The following ZNF385B variants were observed in gnomAD, a reference collection of about 807,000 sequenced individuals.
ZNF385B encodes the protein zinc finger protein 385B.
In ZNF385B, 23 loss-of-function variants were observed where a neutral mutation model predicts 39.2. That is an observed-to-expected ratio of 0.59 (90% CI 0.42 to 0.83). The LOEUF (loss-of-function observed/expected upper bound fraction) is 0.83, where lower values mean the gene tolerates loss of function less well. Among genes scored for constraint, ZNF385B ranks in the 40% least tolerant of loss-of-function variants. The probability of loss-of-function intolerance (pLI) is 0.00; values close to 1 mark genes in which losing one functional copy is unlikely to be tolerated. For synonymous variants in ZNF385B, 205 were observed against 222.6 expected, an observed-to-expected ratio of 0.92 and a Z score of 0.70; for missense variants, 552 against 598.9, an observed-to-expected ratio of 0.92 and a Z score of 0.82.
Position 179,442,240 on chromosome 2 carries a change from A to G in ZNF385B, c.*1010T>C, listed in dbSNP as rs1255875528. The stretch of plus-strand genomic sequence containing the variant: ...AATTATAAATTTTTTTATCTTCTGT[A>G]CATTATTGCATTAGGGAGCCACAAA... On this transcript the variant is annotated 3_prime_UTR_variant, in exon 10 of 10. Coordinates refer to ENST00000410066, the MANE Select transcript of ZNF385B (RefSeq NM_152520.6). 1 of 152,668 alleles carries G rather than the reference A, an allele frequency of 6.6e-6. No individual in the cohort carries two copies. The highest frequency in any genetic ancestry group is 1.5e-5 in the Non-Finnish European group (1 of 68,044). 9.5% of individuals were successfully genotyped at this position (152,668 alleles called of 1,614,324 possible).
At chr2:179,718,378 T>C (rs1290218917) in intron 3 of ZNF385B, among the ~76,000 whole-genome samples, 1 of 148,064 alleles carries the variant, frequency 6.8e-6, no homozygotes, top group East Asian at 1.9e-4. Flanking sequence ...ATCTTATATA[T>C]TATATATTAT....
chr2:179,581,120 C>A (rs1686460720), intron 3 of ZNF385B, among the ~76,000 whole-genome samples: 1 of 152,164 alleles, frequency 6.6e-6, no homozygotes, highest in Admixed American at 6.5e-5. Flanking sequence ...TATGTAAATA[C>A]AAATTATGGC....
chr2:179,479,614 C>T lies in ZNF385B; in HGVS notation c.715+3658G>A, dbSNP rs551384037. Among the ~76,000 whole-genome samples the T allele has an allele frequency of 7.9e-3, 1,208 of 152,078 alleles. 5 individuals carry two copies. Among genetic ancestry groups the T allele is most frequent in the Admixed American group, 0.011 (162 of 15,270 alleles). On this transcript the variant is annotated intron_variant, in intron 6 of 9. Transcript: ENST00000410066. ...CAGCATTTTAGGAGGCCGTGGCAGG[C>T]GGATCACTTGAGGTCAGGAGTTGAA...
In ZNF385B at chr2:179,814,602, G is replaced by A. The variant is rs189847884; in HGVS notation, c.-154-43930C>T. The A allele has an allele frequency of 3.2e-4, 208 of 642,162 alleles. No individual in the cohort carries two copies. In the East Asian group the frequency reaches 7.7e-3, roughly 24 times the overall value. The allele number at this position is 642,162 out of a possible 1,614,324, so 39.8% of individuals were successfully genotyped here. On this transcript the variant is annotated intron_variant, in intron 1 of 9. Transcript: ENST00000410066. The stretch of plus-strand genomic sequence containing the variant: ...GGAGATGGTCGACATCATAGAGACC[G>A]TGGACTGTAGGGCCCTCAATGGTGG...
intron 5 of ZNF385B, among the ~76,000 whole-genome samples, chr2:179,506,106 T>C (rs1181307527): frequency 6.6e-6 from 1 of 152,114 alleles, no homozygotes; most frequent in East Asian, 1.9e-4. Flanking sequence ...ATCCATTTAG[T>C]ATAAGTTCCT....
At chr2:179,696,326 C>CTGTTTTTTTTTTTTTTTTT (rs1698742555) in intron 3 of ZNF385B, among the ~76,000 whole-genome samples, 2 of 40,354 alleles carry the variant, frequency 5.0e-5, no homozygotes, top group Non-Finnish European at 8.2e-5. Context: ...CAAACTGGGA[C>CTGTTTTTTTTTTTTTTTTT]TTTTTTTTTT....
At chr2:179,539,293 A>C (rs2059771739) in intron 4 of ZNF385B, among the ~76,000 whole-genome samples, 1 of 152,062 alleles carries the variant, frequency 6.6e-6, no homozygotes, top group Non-Finnish European at 1.5e-5. Flanking sequence ...CACTAATCCC[A>C]TCATGAGGGC....
At chr2:179,746,755 T>C (rs1702406762) in intron 3 of ZNF385B, among the ~76,000 whole-genome samples, 1 of 152,112 alleles carries the variant, frequency 6.6e-6, no homozygotes, top group African/African-American at 2.4e-5. Context: ...AAATATAAGA[T>C]GCAAGAGCTA....
chr2:179,798,557 G>C (rs1246208942), intron 1 of ZNF385B, among the ~76,000 whole-genome samples: 1 of 152,010 alleles, frequency 6.6e-6, no homozygotes, highest in Non-Finnish European at 1.5e-5. Context: ...CAAAATTCCA[G>C]TATGCAAGGA....
At chr2:179,839,160 C>A (rs960595246) in intron 1 of ZNF385B, among the ~76,000 whole-genome samples, 2 of 152,174 alleles carry the variant, frequency 1.3e-5, no homozygotes, top group African/African-American at 4.8e-5. Context: ...GCCTCTCTCA[C>A]CTATCCTTGA....
At chr2:179,593,380 C>T (rs181821194) in intron 3 of ZNF385B, among the ~76,000 whole-genome samples, 1 of 152,126 alleles carries the variant, frequency 6.6e-6, no homozygotes, top group African/African-American at 2.4e-5. Context: ...TTTTAAAAAG[C>T]CACAAGGAAT....
intron 1 of ZNF385B, among the ~76,000 whole-genome samples, chr2:179,779,036 C>T (rs1704512792): frequency 6.6e-6 from 1 of 152,170 alleles, no homozygotes; most frequent in African/African-American, 2.4e-5. Flanking sequence ...CGTATTGGGG[C>T]TGAGCTCTTA....
At chr2:179,824,179 T>C (rs528824497) in intron 1 of ZNF385B, among the ~76,000 whole-genome samples, 1 of 152,276 alleles carries the variant, frequency 6.6e-6, no homozygotes, top group South Asian at 2.1e-4. Context: ...AATGCTAGTA[T>C]CTACTCCAGT....
At chr2:179,475,895 T>C (rs779085774) in intron 6 of ZNF385B, among the ~76,000 whole-genome samples, 38 of 150,342 alleles carry the variant, frequency 2.5e-4, no homozygotes, top group Non-Finnish European at 5.2e-4. Context: ...GGCACACTTG[T>C]AATCCCAGCT....
chr2:179,549,294 T>C (rs2060422476), intron 3 of ZNF385B, among the ~76,000 whole-genome samples: 1 of 149,724 alleles, frequency 6.7e-6, no homozygotes, highest in East Asian at 1.9e-4. Context: ...CAAGTTCTTA[T>C]GTGGATATAT....
chr2:179,564,536 C>T (rs559883910), intron 3 of ZNF385B, among the ~76,000 whole-genome samples: 2 of 152,208 alleles, frequency 1.3e-5, no homozygotes, highest in South Asian at 4.2e-4. Context: ...TTCTTGTTAG[C>T]CTCTTAGTCT....
At chr2:179,700,471 T>G (rs1385888446) in intron 3 of ZNF385B, among the ~76,000 whole-genome samples, 16 of 128,000 alleles carry the variant, frequency 1.3e-4, no homozygotes, top group Non-Finnish European at 1.1e-4. Flanking sequence ...TGGTCTTGAG[T>G]AAATGTTGCT....
chr2:179,726,387 T>C (rs1701020309), intron 3 of ZNF385B, among the ~76,000 whole-genome samples: 1 of 152,040 alleles, frequency 6.6e-6, no homozygotes, highest in Non-Finnish European at 1.5e-5. Flanking sequence ...AATATAATTA[T>C]ATAAGTTTGG....
intron 3 of ZNF385B, among the ~76,000 whole-genome samples, chr2:179,622,708 T>G (rs1400485863): frequency 6.6e-6 from 1 of 152,226 alleles, no homozygotes; most frequent in East Asian, 1.9e-4. Flanking sequence ...ATGTCTCCAC[T>G]TGTACAACTA....
Sources: allele counts gnomAD v4.1 joint callset (sites outside exome capture counted in the v4.1 genomes callset), GRCh38; gene constraint gnomAD v4.1.1; transcripts MANE v1.5; gene names NCBI Gene and HGNC (gene_info 2026-07-23, HGNC 2026-07-21).